ABCA3: variants seen among roughly 807,000 people sequenced by gnomAD.
The protein encoded by ABCA3 is phospholipid-transporting ATPase ABCA3.
In ABCA3, 88 loss-of-function variants were observed where a neutral mutation model predicts 172.8. That is an observed-to-expected ratio of 0.51 (90% CI 0.43 to 0.61). ABCA3 has a LOEUF of 0.61. Among genes scored for constraint, ABCA3 ranks in the 20% least tolerant of loss-of-function variants. The pLI, the probability that ABCA3 is intolerant of heterozygous loss-of-function variation, is 0.00. For missense variants in ABCA3, 2,164 were observed against 2,301.0 expected, an observed-to-expected ratio of 0.94 and a Z score of 1.22; for synonymous variants, 1,066 against 983.8, an observed-to-expected ratio of 1.08 and a Z score of -1.56.
At position 2,287,118 on chromosome 16, in the gene ABCA3, A is replaced by G; in HGVS notation, c.3005-151T>C. 1.1e-6 allele frequency: 1 copy of G among 894,720 alleles called. No individual in the cohort carries two copies. Among genetic ancestry groups the G allele is most frequent in the Non-Finnish European group, 1.7e-6 (1 of 598,450 alleles). 55.4% of individuals were successfully genotyped at this position (894,720 alleles called of 1,614,324 possible). On this transcript the variant is annotated intron_variant, in intron 21 of 32. Coordinates refer to ENST00000301732, the MANE Select transcript of ABCA3 (RefSeq NM_001089.3). The surrounding 1 kb of genome is among the most constrained non-coding windows in gnomAD (Gnocchi z 4.1). The stretch of plus-strand genomic sequence containing the variant: ...ATCACCCTTCTCCTAAGGAGAGTAT[A>G]ATTTCTGGCAAGGTTTTGTCATCAT...
At chr16:2,313,492 G>A (rs1014996689) in intron 10 of ABCA3, among the ~76,000 whole-genome samples, 3 of 145,592 alleles carry the variant, frequency 2.1e-5, no homozygotes, top group Non-Finnish European at 4.5e-5. Flanking sequence ...AGCAGAGTTT[G>A]CAGTGAGCCA....
intron 12 of ABCA3, among the ~76,000 whole-genome samples, chr16:2,301,085 G>T (rs2093688475): frequency 6.6e-6 from 1 of 151,336 alleles, no homozygotes; most frequent in African/African-American, 2.4e-5. Flanking sequence ...AAAAAAATTA[G>T]CCGGGCGTGG....
chr16:2,308,759 G>A lies in ABCA3; in HGVS notation c.1112-136C>T, dbSNP rs323073. 0.3 allele frequency: 288,209 copies of A among 956,756 alleles called. 46,064 individuals carry two copies. Among genetic ancestry groups the A allele is most frequent in the Admixed American group, 0.45 (22,221 of 48,924 alleles). 59.3% of individuals were successfully genotyped at this position (956,756 alleles called of 1,614,324 possible). A position where few individuals can be genotyped will look rare whatever the true frequency, so the allele number is the denominator to read the frequency against. On this transcript the variant is annotated intron_variant, in intron 10 of 32. Transcript: ENST00000301732. ...GCTCCTGGCACTTGCCATCTACACG[G>A]GACACAAGCTCCAGCACGGGGGGAC...
chr16:2,313,304 C>T (rs2093709462), intron 10 of ABCA3, among the ~76,000 whole-genome samples: 1 of 152,014 alleles, frequency 6.6e-6, no homozygotes, highest in African/African-American at 2.4e-5. Context: ...CCTATAATCC[C>T]AGCACTTTGG....
At chr16:2,304,362 C>T (rs2093694188) in intron 11 of ABCA3, among the ~76,000 whole-genome samples, 1 of 152,128 alleles carries the variant, frequency 6.6e-6, no homozygotes, top group Non-Finnish European at 1.5e-5. Flanking sequence ...AGTCACAGAC[C>T]AGCAACAGCT....
chr16:2,295,514 G>A, intron 18 of ABCA3, 76 bp downstream of exon 18: 1 of 1,595,532 alleles, frequency 6.3e-7, no homozygotes, highest in Non-Finnish European at 8.5e-7. Context: ...AGGTGCCTCT[G>A]AGCACAAAGC....
intron 1 of ABCA3, among the ~76,000 whole-genome samples, chr16:2,330,889 C>G (rs183243073): frequency 7.9e-5 from 12 of 151,786 alleles, no homozygotes; most frequent in African/African-American, 2.9e-4. Flanking sequence ...TTTCAGTAGA[C>G]ACAGGGTTTC....
At position 2,309,760 on chromosome 16, in the gene ABCA3, C is replaced by T. The variant is rs530634287; in HGVS notation, c.1112-1137G>A. 6.6e-5 allele frequency among the ~76,000 whole-genome samples: 10 copies of T among 152,278 alleles called. No individual in the cohort carries two copies. The East Asian group carries it at 1.9e-3, about 29-fold the overall frequency. On this transcript the variant is annotated intron_variant, in intron 10 of 32. Transcript: ENST00000301732. The stretch of plus-strand genomic sequence containing the variant: ...CGGCTAGGGAGAGCAGCTAGGACCA[C>T]AGGCACGCAGTACCATGCCTAGCTA...
rs1304602064 is a variant in ABCA3 at position 2,317,675 on chromosome 16, G to T, written c.963C>A (p.Ser321=). ...TGACACAGAAGAGCAGGGTCATGAA[G>T]GAGGCGGCGATGAGGAGGAAGAGGA... The part of the protein sequence containing the change: ...LFFLFLLIAA[S]FMTLLFCVKV... Residue 321 remains serine (S), a synonymous_variant, in exon 9 of 33, where the codon TCC becomes TCA. Transcript: ENST00000301732. 2 of 1,614,134 alleles carry T rather than the reference G, an allele frequency of 1.2e-6. No homozygotes were observed. Among genetic ancestry groups the T allele is most frequent in the Non-Finnish European group, 1.7e-6 (2 of 1,180,044 alleles).
rs151078160 is a variant in ABCA3, at chr16:2,289,520, T to C, written c.2614A>G (p.Ser872Gly). Residue 872 changes from serine to glycine, a missense_variant, in exon 20 of 33, where the codon AGC (serine) becomes GGC (glycine). By Grantham distance (56) the Ser-to-Gly change is moderately conservative. Transcript: ENST00000301732. ...GGGTCCATGGCCCCACAGAGGTTGC[T>C]GTCCACAGCCCAGTCGCTGGCGCGC... is the stretch of plus-strand genomic sequence containing the variant. ...ERRASDWAVD[S>G]NLCGAMDPSD... The C allele has an allele frequency of 1.8e-4, 290 of 1,587,998 alleles. No individual in the cohort carries two copies. Among genetic ancestry groups the C allele is most frequent in the African/African-American group, 1.8e-3 (135 of 74,866 alleles).
chr16:2,279,131 C>T lies in ABCA3; in HGVS notation c.4360-1G>A. ...GGCAGTAGCCGATCCGCTGCCGCAC[C>T]TGGGGTCGGAGCATAGCCGGGGAGG... is the stretch of plus-strand genomic sequence containing the variant. On this transcript the variant is annotated splice_acceptor_variant, in intron 28 of 32. Transcript: ENST00000301732. LOFTEE classifies it high-confidence loss of function. This position sits in a 1 kb window ranked among gnomAD's most constrained non-coding sequence, Gnocchi z 4.4. The T allele has an allele frequency of 1.2e-6, 2 of 1,611,028 alleles. No individual in the cohort carries two copies. Among genetic ancestry groups the T allele is most frequent in the Non-Finnish European group, 1.7e-6 (2 of 1,180,004 alleles).
In ABCA3 at chr16:2,317,683, C is replaced by T. The variant is rs201341756; in HGVS notation, c.955G>A (p.Ala319Thr). Residue 319 changes from alanine to threonine, a missense_variant, in exon 9 of 33, where the codon GCC becomes ACC. Physicochemically the swap from Ala to Thr is moderately conservative, Grantham distance 58. Around this residue, in one of 3 missense-constraint regions of ABCA3, gnomAD observed 1,343 missense variants for 1,369.6 expected, o/e 0.98. Coordinates refer to ENST00000301732, the MANE Select transcript of ABCA3 (RefSeq NM_001089.3). ...FLLFFLFLLI[A>T]ASFMTLLFCV... is the part of the protein sequence containing the mutation. ...AAGAGCAGGGTCATGAAGGAGGCGGCGATGAGGAGGAAGAGGAAGAACAAG... is the reference window on the plus strand; with the variant it reads ...AAGAGCAGGGTCATGAAGGAGGCGGTGATGAGGAGGAAGAGGAAGAACAAG... The T allele has an allele frequency of 1.1e-4, 180 of 1,614,176 alleles. No homozygotes were observed. The highest frequency in any genetic ancestry group is 1.3e-4 in the Non-Finnish European group (156 of 1,180,002).
In ABCA3 at chr16:2,319,840, C is replaced by T. The variant is rs748051185; in HGVS notation, c.614G>A (p.Gly205Glu). ...GGCCAGGAAGCCTTCCCGGATGTACCCTGGGTGCGGGAGCAGAGGATGGCC... is the reference window on the plus strand; with the variant it reads ...GGCCAGGAAGCCTTCCCGGATGTACTCTGGGTGCGGGAGCAGAGGATGGCC... Reference protein sequence around the residue: ...EPTSPDGGEPGYIREGFLAVQ... With the variant: ...EPTSPDGGEPEYIREGFLAVQ... The change falls in exon 8 of 33, where the codon GGG becomes GAG. Residue 205 changes from glycine to glutamate, a missense_variant and splice_region_variant. Coordinates refer to ENST00000301732, the MANE Select transcript of ABCA3 (RefSeq NM_001089.3). 1.9e-6 allele frequency: 3 copies of T among 1,613,570 alleles called. No individual in the cohort carries two copies. Among genetic ancestry groups the T allele is most frequent in the Non-Finnish European group, 2.5e-6 (3 of 1,180,002 alleles).
Position 2,276,065 on chromosome 16 carries a change from G to C in ABCA3, c.*609C>G, listed in dbSNP as rs1000648903. On this transcript the variant is annotated 3_prime_UTR_variant, in exon 33 of 33. Transcript: ENST00000301732. ...TCCCTCCTGTGCCGGCTGCTTCTAG[G>C]AGATGCTGTGGGACGGTGCCCGGCT... 2 of 298,786 alleles carry C rather than the reference G, an allele frequency of 6.7e-6. No individual in the cohort carries two copies. The highest frequency in any genetic ancestry group is 4.5e-5 in the African/African-American group (2 of 44,612). The allele number at this position is 298,786 out of a possible 1,614,324, so 18.5% of individuals were successfully genotyped here. A position where few individuals can be genotyped will look rare whatever the true frequency, so the allele number is the denominator to read the frequency against.
In ABCA3 at chr16:2,281,054, A is replaced by AC; in HGVS notation, c.4331dup (p.His1445SerfsTer6). 6.2e-7 allele frequency: 1 copy of AC among 1,613,200 alleles called. No individual in the cohort carries two copies. Among genetic ancestry groups the AC allele is most frequent in the Non-Finnish European group, 8.5e-7 (1 of 1,179,842 alleles). On this transcript the variant is annotated frameshift_variant, in exon 28 of 33. Transcript: ENST00000301732. LOFTEE classifies it high-confidence loss of function. This position sits in a 1 kb window ranked among gnomAD's most constrained non-coding sequence, Gnocchi z 4.7. The stretch of plus-strand genomic sequence containing the variant: ...TTCCGACATCAGAGCTGATTCTGTG[A>AC]CCCCCGACAAAGGCATCCCCAGAAG...
intron 1 of ABCA3, among the ~76,000 whole-genome samples, chr16:2,338,837 C>T (rs930059086): frequency 1.1e-4 from 17 of 150,882 alleles, no homozygotes; most frequent in African/African-American, 3.9e-4. Context: ...TCACTGTAAC[C>T]TCCACCTAAT....
chr16:2,291,325 C>CA (rs919126581), intron 19 of ABCA3, among the ~76,000 whole-genome samples: 5 of 149,414 alleles, frequency 3.3e-5, no homozygotes, highest in African/African-American at 9.8e-5. Context: ...GACTCTGTCT[C>CA]AAAAAAAAAG....
Position 2,278,610 on chromosome 16 carries a change from A to G in ABCA3, c.4548-152T>C, listed in dbSNP as rs2093650374. 1 of 1,138,212 alleles carries G rather than the reference A, an allele frequency of 8.8e-7. No individual in the cohort carries two copies. The allele number at this position is 1,138,212 out of a possible 1,614,324, so 70.5% of individuals were successfully genotyped here. A position where few individuals can be genotyped will look rare whatever the true frequency, so the allele number is the denominator to read the frequency against. ...AGGAAGGAGCTGTGTGTGCACCTGG[A>G]AAGCCCACCGCATAGGGCTGGAGGC... On this transcript the variant is annotated intron_variant, in intron 29 of 32. Transcript: ENST00000301732. The surrounding 1 kb of genome is among the most constrained non-coding windows in gnomAD (Gnocchi z 4.4).
intron 20 of ABCA3, 60 bp from the exon 21 acceptor site, chr16:2,288,389 A>G (rs1382426927): frequency 1.3e-6 from 2 of 1,512,850 alleles, no homozygotes; most frequent in African/African-American, 2.8e-5. Flanking sequence ...CCTGACCCCC[A>G]CCCACCTGCG....
Sources: allele counts gnomAD v4.1 joint callset (sites outside exome capture counted in the v4.1 genomes callset), GRCh38; gene constraint gnomAD v4.1.1; regional missense constraint gnomAD v4.1.1; non-coding constraint Gnocchi (gnomAD v3.1); transcripts MANE v1.5; gene names NCBI Gene and HGNC (gene_info 2026-07-23, HGNC 2026-07-21).